Variants in TAFA2 observed in about 807,000 individuals in gnomAD.
TAFA2 encodes TAFA chemokine like family member 2.
TAFA2 carries 7 observed loss-of-function variants against 18.8 expected under a neutral mutation model. The observed-to-expected ratio is 0.37, with a 90% CI of 0.21 to 0.70. The LOEUF (loss-of-function observed/expected upper bound fraction) is 0.70. Among genes scored for constraint, TAFA2 ranks in the 30% least tolerant of loss-of-function variants. The pLI, the probability that TAFA2 is intolerant of heterozygous loss-of-function variation, is 0.53. For synonymous variants in TAFA2, 60 were observed against 54.2 expected, an observed-to-expected ratio of 1.11 and a Z score of -0.47; for missense variants, 122 against 158.1, an observed-to-expected ratio of 0.77 and a Z score of 1.23.
intron 1 of TAFA2, among the ~76,000 whole-genome samples, chr12:62,226,264 G>A (rs2062786097): frequency 6.7e-6 from 1 of 148,810 alleles, no homozygotes; most frequent in Non-Finnish European, 1.5e-5. Context: ...GGTGATCTCC[G>A]CTCACTGCAA....
rs536612292 is a variant in TAFA2, at chr12:61,941,221, AATAACT to A, written c.-1-73801_-1-73796del. Among the ~76,000 whole-genome samples the A allele has an allele frequency of 5.7e-4, 87 of 152,322 alleles. 1 individual carries two copies. The East Asian group carries it at 0.016, about 28-fold the overall frequency. The stretch of plus-strand genomic sequence containing the variant: ...TACCAAAACAAAAACTTATATTACT[AATAACT>A]TTTATATAGACTACATGGTAAAAAA... On this transcript the variant is annotated intron_variant, in intron 1 of 4. Transcript: ENST00000416284.
chr12:62,206,780 C>G (rs1280564177), intron 1 of TAFA2: 1 of 152,190 alleles, frequency 6.6e-6, no homozygotes, highest in Non-Finnish European at 1.5e-5. Context: ...GCCCAGCCCA[C>G]TAGCAATTTT....
chr12:62,002,514 C>G (rs1028204127), intron 1 of TAFA2, among the ~76,000 whole-genome samples: 1 of 152,138 alleles, frequency 6.6e-6, no homozygotes, highest in Non-Finnish European at 1.5e-5. Context: ...ATAAAATTTC[C>G]TAGCTTAGAC....
intron 1 of TAFA2, among the ~76,000 whole-genome samples, chr12:61,933,859 T>C (rs1877660615): frequency 6.6e-6 from 1 of 152,226 alleles, no homozygotes; most frequent in Admixed American, 6.5e-5. Context: ...ATTTTAAAAC[T>C]CCACAACATA....
At chr12:62,219,377 A>G (rs1206755160) in intron 1 of TAFA2, among the ~76,000 whole-genome samples, 3 of 152,174 alleles carry the variant, frequency 2.0e-5, no homozygotes, top group Non-Finnish European at 4.4e-5. Flanking sequence ...TGGAAATGCA[A>G]AGCATTGGCA....
At chr12:62,103,689 C>T (rs1869310793) in intron 1 of TAFA2, among the ~76,000 whole-genome samples, 1 of 149,996 alleles carries the variant, frequency 6.7e-6, no homozygotes, top group Non-Finnish European at 1.5e-5. Flanking sequence ...TGCGGTGAGC[C>T]AAGATTGCGC....
At chr12:61,901,935 C>T (rs1876119243) in intron 1 of TAFA2, among the ~76,000 whole-genome samples, 1 of 152,048 alleles carries the variant, frequency 6.6e-6, no homozygotes, top group Non-Finnish European at 1.5e-5. Flanking sequence ...ATTCATTGCA[C>T]ATGACTAGAA....
At chr12:62,110,328 C>T (rs750299723) in intron 1 of TAFA2, among the ~76,000 whole-genome samples, 2 of 152,014 alleles carry the variant, frequency 1.3e-5, no homozygotes, top group South Asian at 2.1e-4. Context: ...GAGATGAAGC[C>T]GACTTGATGG....
At chr12:62,179,598 T>C (rs1160860996) in intron 1 of TAFA2, among the ~76,000 whole-genome samples, 1 of 152,196 alleles carries the variant, frequency 6.6e-6, no homozygotes, top group Non-Finnish European at 1.5e-5. Context: ...GGCAGGACAC[T>C]CGGTTTGGCT....
At chr12:61,999,113 G>T (rs1050356944) in intron 1 of TAFA2, among the ~76,000 whole-genome samples, 18 of 152,082 alleles carry the variant, frequency 1.2e-4, no homozygotes, top group African/African-American at 4.1e-4. Flanking sequence ...AAAATATACT[G>T]GCCATAAGAA....
rs571503467 is a variant in TAFA2 at position 61,795,944 on chromosome 12, C to T, written c.107-40920G>A. Among the ~76,000 whole-genome samples, 17 of 151,876 alleles carry T rather than the reference C, an allele frequency of 1.1e-4. No homozygotes were observed. The East Asian group carries it at 1.8e-3, about 16-fold the overall frequency. On this transcript the variant is annotated intron_variant, in intron 2 of 4. Coordinates refer to ENST00000416284, the MANE Select transcript of TAFA2 (RefSeq NM_178539.5). The stretch of plus-strand genomic sequence containing the variant: ...TGACTTTCAACATACCTATTAGAAA[C>T]GCCAAAATTAAAAACACTTACTACA...
chr12:61,717,699 A>G (rs577859913), intron 4 of TAFA2, among the ~76,000 whole-genome samples: 1 of 152,316 alleles, frequency 6.6e-6, no homozygotes, highest in South Asian at 2.1e-4. Context: ...ATTTAGGTGT[A>G]AATCAGTGTG....
At chr12:62,118,367 C>A (rs1482037902) in intron 1 of TAFA2, among the ~76,000 whole-genome samples, 1 of 152,038 alleles carries the variant, frequency 6.6e-6, no homozygotes, top group Non-Finnish European at 1.5e-5. Flanking sequence ...GTTTATTCAT[C>A]CACTCTCCTA....
intron 1 of TAFA2, among the ~76,000 whole-genome samples, chr12:61,958,317 A>G (rs1878768168): frequency 6.6e-6 from 1 of 152,206 alleles, no homozygotes; most frequent in Admixed American, 6.6e-5. Context: ...TTTTTGACAG[A>G]ACAAAAATGC....
chr12:61,787,770 C>A (rs1870799146), intron 2 of TAFA2, among the ~76,000 whole-genome samples: 1 of 151,404 alleles, frequency 6.6e-6, no homozygotes, highest in Non-Finnish European at 1.5e-5. Flanking sequence ...CAAAGGCAAA[C>A]AATAAGAGAG....
At chr12:61,899,944 T>TGTGG (rs1189409850) in intron 1 of TAFA2, among the ~76,000 whole-genome samples, 2 of 152,230 alleles carry the variant, frequency 1.3e-5, no homozygotes, top group African/African-American at 4.8e-5. Flanking sequence ...AGCAGACACC[T>TGTGG]GAGCATCTGT....
At chr12:61,913,569 G>A (rs1436476932) in intron 1 of TAFA2, among the ~76,000 whole-genome samples, 2 of 152,160 alleles carry the variant, frequency 1.3e-5, no homozygotes, top group African/African-American at 4.8e-5. Context: ...TATTTTATAG[G>A]CTAGAAGCCA....
At chr12:62,118,309 CTTCA>C (rs1870047743) in intron 1 of TAFA2, among the ~76,000 whole-genome samples, 1 of 152,020 alleles carries the variant, frequency 6.6e-6, no homozygotes, top group Admixed American at 6.6e-5. Context: ...AAATGCTGTA[CTTCA>C]TTCATTTTAC....
chr12:62,197,630 A>G (rs1401945429), upstream of TAFA2, among the ~76,000 whole-genome samples: 1 of 152,158 alleles, frequency 6.6e-6, no homozygotes, highest in Non-Finnish European at 1.5e-5. Flanking sequence ...TCCTGTCTCT[A>G]GCATCCACTG....
Sources: allele counts gnomAD v4.1 joint callset (sites outside exome capture counted in the v4.1 genomes callset), GRCh38; gene constraint gnomAD v4.1.1; transcripts MANE v1.5; gene names NCBI Gene and HGNC (gene_info 2026-07-23, HGNC 2026-07-21).